JAZF1: variants seen among roughly 807,000 people sequenced by gnomAD.
JAZF1 encodes the protein juxtaposed with another zinc finger protein 1.
JAZF1 carries 8 observed loss-of-function variants against 26.4 expected under a neutral mutation model. The observed-to-expected ratio is 0.30, with a 90% CI of 0.18 to 0.55. The LOEUF is 0.55. Among genes scored for constraint, JAZF1 ranks in the 20% least tolerant of loss-of-function variants. The pLI, the probability that JAZF1 is intolerant of heterozygous loss-of-function variation, is 0.94. For missense variants in JAZF1, 199 were observed against 322.0 expected, an observed-to-expected ratio of 0.62 and a Z score of 2.92; for synonymous variants, 126 against 122.3, an observed-to-expected ratio of 1.03 and a Z score of -0.20.
chr7:28,043,388 C>T (rs6948651), intron 1 of JAZF1, among the ~76,000 whole-genome samples: 75,634 of 151,904 alleles, frequency 0.5, 21,695 homozygotes, highest in Non-Finnish European at 0.66. Context: ...AGAGCGTGAA[C>T]TACCCTCCCC....
intron 2 of JAZF1, among the ~76,000 whole-genome samples, chr7:27,933,520 A>G (rs1367016768): frequency 6.6e-6 from 1 of 152,266 alleles, no homozygotes; most frequent in African/African-American, 2.4e-5. Flanking sequence ...AGGTGCCAAC[A>G]AAACAGGTTG....
At chr7:28,071,702 G>C (rs74756543) in intron 1 of JAZF1, 11,764 of 456,716 alleles carry the variant, frequency 0.026, 227 homozygotes, top group Non-Finnish European at 0.038. Flanking sequence ...TGGAGGTGAT[G>C]ACAAAAATAT....
chr7:27,902,409 A>G (rs1583455645), intron 2 of JAZF1, among the ~76,000 whole-genome samples: 1 of 152,184 alleles, frequency 6.6e-6, no homozygotes, highest in South Asian at 2.1e-4. Flanking sequence ...TGACCACCAC[A>G]TTGACTTCTT....
At chr7:27,847,064 G>A (rs1408401721) in intron 3 of JAZF1, among the ~76,000 whole-genome samples, 4 of 152,024 alleles carry the variant, frequency 2.6e-5, no homozygotes, top group Admixed American at 6.5e-5. Context: ...CCACCTCCTG[G>A]GTTCAAGCGA....
chr7:28,118,480 G>A (rs560123772), intron 1 of JAZF1, among the ~76,000 whole-genome samples: 12 of 151,980 alleles, frequency 7.9e-5, no homozygotes, highest in African/African-American at 2.2e-4. Flanking sequence ...GCACCAGGGT[G>A]ACAAAGTGAG....
At chr7:28,015,834 C>T (rs964566401) in intron 1 of JAZF1, among the ~76,000 whole-genome samples, 2 of 152,164 alleles carry the variant, frequency 1.3e-5, no homozygotes, top group African/African-American at 2.4e-5. Context: ...AGGGGACCTG[C>T]CCATGCTCAG....
intron 3 of JAZF1, chr7:27,864,186 G>C (rs2128336650): frequency 6.6e-6 from 1 of 152,306 alleles, no homozygotes; most frequent in South Asian, 2.1e-4. Flanking sequence ...AGGGAAGAAG[G>C]AAGAATGTCA....
At chr7:28,020,449 G>GTAGA in intron 1 of JAZF1, 1 of 383,912 alleles carries the variant, frequency 2.6e-6, no homozygotes, top group Non-Finnish European at 5.3e-6. Flanking sequence ...GAGAGCCAGC[G>GTAGA]CCTCCACGGT....
intron 3 of JAZF1, among the ~76,000 whole-genome samples, chr7:27,854,036 T>C (rs1335137111): frequency 1.3e-5 from 2 of 149,130 alleles, no homozygotes; most frequent in African/African-American, 2.4e-5. Flanking sequence ...AGAATTTGCT[T>C]TATGAATCTG....
At chr7:27,910,359 A>C (rs1162316087) in intron 2 of JAZF1, among the ~76,000 whole-genome samples, 1 of 152,160 alleles carries the variant, frequency 6.6e-6, no homozygotes, top group African/African-American at 2.4e-5. Flanking sequence ...ATCTGGAAAA[A>C]AATTCAGGGG....
At chr7:27,890,301 C>T (rs73083394) in intron 3 of JAZF1, among the ~76,000 whole-genome samples, 9,373 of 152,194 alleles carry the variant, frequency 0.062, 366 homozygotes, top group Admixed American at 0.076. Context: ...ATTTAACAAC[C>T]GGCTATCTGG....
intron 3 of JAZF1, among the ~76,000 whole-genome samples, chr7:27,892,889 C>T (rs902378822): frequency 6.6e-6 from 1 of 152,170 alleles, no homozygotes; most frequent in African/African-American, 2.4e-5. Context: ...TATACATGTG[C>T]TATCACATTT....
chr7:27,922,540 C>T (rs62451123), intron 2 of JAZF1, among the ~76,000 whole-genome samples: 8,526 of 152,154 alleles, frequency 0.056, 317 homozygotes, highest in Non-Finnish European at 0.085. Flanking sequence ...TGACCCACCG[C>T]GCCAGGCCTT....
At chr7:27,914,609 T>C (rs1014834520) in intron 2 of JAZF1, 178 of 376,090 alleles carry the variant, frequency 4.7e-4, no homozygotes, top group African/African-American at 3.3e-3. Context: ...TTACTAAAAA[T>C]GGAAACTCCT....
At chr7:28,105,358 C>T (rs1784534769) in intron 1 of JAZF1, among the ~76,000 whole-genome samples, 1 of 152,136 alleles carries the variant, frequency 6.6e-6, no homozygotes, top group Non-Finnish European at 1.5e-5. Flanking sequence ...ATTTAGTTAC[C>T]GCAGATAAAC....
chr7:28,087,888 T>C (rs1185375230), intron 1 of JAZF1, among the ~76,000 whole-genome samples: 1 of 152,238 alleles, frequency 6.6e-6, no homozygotes, highest in Non-Finnish European at 1.5e-5. Context: ...AAAATCAGTA[T>C]TCTTGTATAT....
chr7:28,162,253 T>C (rs953149383), intron 1 of JAZF1, among the ~76,000 whole-genome samples: 5 of 152,246 alleles, frequency 3.3e-5, no homozygotes, highest in African/African-American at 1.2e-4. Flanking sequence ...CAGTTCCATG[T>C]AGCCATGCAA....
intron 1 of JAZF1, among the ~76,000 whole-genome samples, chr7:28,059,004 A>G (rs1783758933): frequency 6.6e-6 from 1 of 152,190 alleles, no homozygotes; most frequent in Admixed American, 6.5e-5. Context: ...AATCTGCCCC[A>G]TGATAACAAG....
chr7:27,886,611 T>C (rs1783869637), intron 3 of JAZF1, among the ~76,000 whole-genome samples: 1 of 152,234 alleles, frequency 6.6e-6, no homozygotes, highest in Non-Finnish European at 1.5e-5. Context: ...CTCTATATTG[T>C]CTTATTAATC....
Sources: gnomAD v4.1 joint callset for allele counts (sites outside exome capture counted in the v4.1 genomes callset) on GRCh38, gnomAD v4.1.1 for gene constraint, MANE v1.5 for transcripts, NCBI Gene and HGNC (gene_info 2026-07-23, HGNC 2026-07-21) for gene names.